Variants in MARK3 observed in about 807,000 individuals in gnomAD.
The protein encoded by MARK3 is MAP/microtubule affinity-regulating kinase 3.
A neutral mutation model predicts 90.1 loss-of-function variants in MARK3; 46 were observed. That is an observed-to-expected ratio of 0.51 (90% confidence interval 0.40 to 0.65). The LOEUF is 0.65. MARK3 is among the 30% of genes least tolerant of loss of function. MARK3 has a pLI of 0.00. For missense variants in MARK3, 818 were observed against 947.2 expected, an observed-to-expected ratio of 0.86 and a Z score of 1.79; for synonymous variants, 321 against 332.6, an observed-to-expected ratio of 0.97 and a Z score of 0.38.
At chr14:103,433,240 C>T (rs1183077871) in intron 3 of MARK3, among the ~76,000 whole-genome samples, 1 of 151,878 alleles carries the variant, frequency 6.6e-6, no homozygotes, top group Non-Finnish European at 1.5e-5. Flanking sequence ...TGTGTGCCAC[C>T]ACGCCTGGCT....
At chr14:103,408,707 T>C (rs1312502297) in intron 2 of MARK3, among the ~76,000 whole-genome samples, 5 of 152,166 alleles carry the variant, frequency 3.3e-5, no homozygotes, top group African/African-American at 1.2e-4. Flanking sequence ...TTTCATTTCC[T>C]GTGTGTGCGG....
At chr14:103,491,138 A>G in intron 14 of MARK3, 1 of 1,240,284 alleles carries the variant, frequency 8.1e-7, no homozygotes, top group Non-Finnish European at 1.0e-6. Flanking sequence ...TTGTGAAACT[A>G]ATGTGTACCC....
At chr14:103,436,727 C>T (rs1305615123) in intron 3 of MARK3, among the ~76,000 whole-genome samples, 1 of 152,204 alleles carries the variant, frequency 6.6e-6, no homozygotes, top group East Asian at 1.9e-4. Context: ...ATCCTCCCGT[C>T]TTGGCCTCCC....
intron 2 of MARK3, among the ~76,000 whole-genome samples, chr14:103,427,496 T>TTAAAA (rs1566824215): frequency 8.8e-4 from 8 of 9,078 alleles, no homozygotes; most frequent in Non-Finnish European, 2.7e-3. Flanking sequence ...GGAGACTGTT[T>TTAAAA]CAAAAAAAAA....
At chr14:103,481,788 ACAGAGT>A (rs1234964702) in intron 14 of MARK3, among the ~76,000 whole-genome samples, 1 of 47,628 alleles carries the variant, frequency 2.1e-5, no homozygotes, top group Admixed American at 2.6e-4. Context: ...TTTTTTTGAG[ACAGAGT>A]CTCACTCTGT....
intron 13 of MARK3, 46 bp downstream of exon 13, chr14:103,475,256 G>A (rs2093694935): frequency 3.9e-6 from 6 of 1,524,900 alleles, no homozygotes; most frequent in Non-Finnish European, 5.4e-6. Context: ...GGTAGGGTTG[G>A]AACCAGCTAG....
In MARK3 at chr14:103,409,496, T is replaced by A. The variant is rs143574666; in HGVS notation, c.243+4229T>A. Among the ~76,000 whole-genome samples the A allele has an allele frequency of 9.3e-4, 139 of 149,102 alleles. 5 individuals carry two copies. In the East Asian group the frequency reaches 0.023, roughly 25 times the overall value. On this transcript the variant is annotated intron_variant, in intron 2 of 17. Coordinates refer to ENST00000429436, the MANE Select transcript of MARK3 (RefSeq NM_001128918.3). ...AACTTTGAACAAAATCATTTTACTC[T>A]TGTGGGGTTTTTTTTGCCTATTGTA...
intron 13 of MARK3, among the ~76,000 whole-genome samples, chr14:103,475,942 CA>C (rs58529423): frequency 1.7e-3 from 210 of 125,864 alleles, no homozygotes; most frequent in Middle Eastern, 8.5e-3. Flanking sequence ...GACTCCTTCT[CA>C]AAAAAAAAAA....
At chr14:103,436,748 G>T (rs1006841514) in intron 3 of MARK3, among the ~76,000 whole-genome samples, 6 of 152,142 alleles carry the variant, frequency 3.9e-5, no homozygotes, top group African/African-American at 1.4e-4. Flanking sequence ...AAAGCCTTGG[G>T]ATTATAGGCA....
chr14:103,491,776 G>A lies in MARK3; in HGVS notation c.1587-1G>A. On this transcript the variant is annotated splice_acceptor_variant, in intron 14 of 17. Coordinates refer to ENST00000429436, the MANE Select transcript of MARK3 (RefSeq NM_001128918.3). LOFTEE classifies it high-confidence loss of function. ...GAGCTTCTTACTTTCTGATCTCATA[G>A]CACTATTCCTGATCAGAGAACTCCA... is the stretch of plus-strand genomic sequence containing the variant. The A allele has an allele frequency of 6.2e-7, 1 of 1,613,776 alleles. No homozygotes were observed. Among genetic ancestry groups the A allele is most frequent in the South Asian group, 1.1e-5 (1 of 91,074 alleles).
chr14:103,502,437 C>T (rs1282602850), intron 17 of MARK3, among the ~76,000 whole-genome samples: 1 of 152,204 alleles, frequency 6.6e-6, no homozygotes, highest in East Asian at 1.9e-4. Context: ...ACCCTGAGTG[C>T]CAGTTACAGT....
At chr14:103,464,363 A>G (rs953466760) in intron 7 of MARK3, among the ~76,000 whole-genome samples, 3 of 124,948 alleles carry the variant, frequency 2.4e-5, no homozygotes, top group African/African-American at 3.2e-5. Flanking sequence ...CAGTGGTGCG[A>G]TCTCTGCTCA....
chr14:103,435,560 C>A (rs992125284), intron 3 of MARK3, among the ~76,000 whole-genome samples: 1 of 151,706 alleles, frequency 6.6e-6, no homozygotes, highest in Admixed American at 6.6e-5. Context: ...AAGCACCCGC[C>A]ACCACGCCCG....
chr14:103,415,629 AT>A (rs1306142776), intron 2 of MARK3, among the ~76,000 whole-genome samples: 1 of 151,486 alleles, frequency 6.6e-6, no homozygotes, highest in African/African-American at 2.4e-5. Context: ...CAAGTTCATT[AT>A]TTTCCCCCCA....
chr14:103,460,073 CTTTTTTTTTTTTTTTT>C lies in MARK3; in HGVS notation c.484-2316_484-2301del, dbSNP rs571611660. The stretch of plus-strand genomic sequence containing the variant: ...AAAAAGAATAGATTTCCAGCTCCAT[CTTTTTTTTTTTTTTTT>C]TTTTTTTTTTTTTTTGAGACAAATC... On this transcript the variant is annotated intron_variant, in intron 6 of 17. Transcript: ENST00000429436. 3.1e-4 allele frequency among the ~76,000 whole-genome samples: 13 copies of C among 41,720 alleles called. 3 individuals are homozygous for C. In the Admixed American group the frequency reaches 3.7e-3, roughly 12 times the overall value. 27.4% of individuals were successfully genotyped at this position (41,720 alleles called of 152,430 possible). A position where few individuals can be genotyped will look rare whatever the true frequency, so the allele number is the denominator to read the frequency against.
chr14:103,481,383 T>C, intron 14 of MARK3, among the ~76,000 whole-genome samples: 1 of 152,034 alleles, frequency 6.6e-6, no homozygotes, highest in Non-Finnish European at 1.5e-5. Flanking sequence ...AGTTACGGTG[T>C]GAGGTTCTGT....
In MARK3 at chr14:103,476,274, G is replaced by A. The variant is rs117223093; in HGVS notation, c.1482+1064G>A. ...GAAGCCTACGTGCACACACGGGGAG[G>A]TCTGACTGCCAGTGCCCCAAAGATG... is the stretch of plus-strand genomic sequence containing the variant. On this transcript the variant is annotated intron_variant, in intron 13 of 17. Transcript: ENST00000429436. Among the ~76,000 whole-genome samples the A allele has an allele frequency of 1.4e-3, 220 of 152,342 alleles. 4 individuals are homozygous for A. The East Asian group carries it at 0.038, about 26-fold the overall frequency.
chr14:103,458,454 C>CAAAAAAAAAA (rs36020485), intron 6 of MARK3, among the ~76,000 whole-genome samples: 2 of 30,780 alleles, frequency 6.5e-5, no homozygotes, highest in African/African-American at 2.3e-4. Flanking sequence ...GACTCCATCT[C>CAAAAAAAAAA]AAAAAAAAAA....
intron 5 of MARK3, among the ~76,000 whole-genome samples, chr14:103,455,351 G>T (rs1009829891): frequency 3.3e-5 from 5 of 152,180 alleles, no homozygotes; most frequent in African/African-American, 1.2e-4. Flanking sequence ...ACACTTTACC[G>T]AGCTGACATT....
Sources: gnomAD v4.1 joint callset for allele counts (sites outside exome capture counted in the v4.1 genomes callset) on GRCh38, gnomAD v4.1.1 for gene constraint, MANE v1.5 for transcripts, NCBI Gene and HGNC (gene_info 2026-07-23, HGNC 2026-07-21) for gene names.